SI: variants seen among roughly 807,000 people sequenced by gnomAD.
SI encodes sucrase-isomaltase.
In SI, 235 loss-of-function variants were observed where a neutral mutation model predicts 253.3. The ratio of observed to expected loss-of-function variants is 0.93; its 90% CI spans 0.83 to 1.03. The LOEUF (loss-of-function observed/expected upper bound fraction) is 1.03, where lower values mean the gene tolerates loss of function less well. Ranked by LOEUF, SI falls within the 50% of genes least tolerant of loss-of-function variation. SI has a pLI of 0.00. For synonymous variants in SI, 819 were observed against 712.0 expected (o/e 1.15, Z -2.39); for missense variants, 2,442 against 2,211.1 (o/e 1.10, Z -2.09).
chr3:165,009,253 A>G, intron 35 of SI, 26 bp downstream of exon 35: 1 of 1,431,444 alleles, frequency 7.0e-7, no homozygotes, highest in South Asian at 1.1e-5. Flanking sequence ...ATAACTTAAA[A>G]CATAGATTGT....
At position 165,001,791 on chromosome 3, in the gene SI, T is replaced by C. The variant is rs1265597824; in HGVS notation, c.4407-3118A>G. On this transcript the variant is annotated intron_variant, in intron 37 of 47. Transcript: ENST00000264382. ...GAGGTATACTGTGTTTGTTTTTTCA[T>C]AGACTAGTTTTTGTTTATTAAAAAA... is the stretch of plus-strand genomic sequence containing the variant. 2.0e-5 allele frequency among the ~76,000 whole-genome samples: 3 copies of C among 151,420 alleles called. No individual in the cohort carries two copies. In the East Asian group the frequency reaches 5.8e-4, roughly 29 times the overall value.
Position 165,023,776 on chromosome 3 carries a change from C to A in SI, c.2893G>T (p.Gly965Cys), listed in dbSNP as rs777850451. ...CTQRGCVWRT[G>C]SSLSKAPECY... The stretch of plus-strand genomic sequence containing the variant: ...TCAGGTGCTTTGGATAGAGAAGAAC[C>A]CTAAAAACACAATGCATGTTCATTG... Residue 965 changes from glycine to cysteine, a missense_variant and splice_region_variant, in exon 26 of 48, where the codon GGT (glycine) becomes TGT (cysteine). Coordinates refer to ENST00000264382, the MANE Select transcript of SI (RefSeq NM_001041.4). 1.9e-6 allele frequency: 3 copies of A among 1,605,666 alleles called. No homozygotes were observed. Among genetic ancestry groups the A allele is most frequent in the Non-Finnish European group, 1.7e-6 (2 of 1,173,722 alleles).
rs1009947202 is a variant in SI at position 165,042,975 on chromosome 3, A to G, written c.2004+84T>C. On this transcript the variant is annotated intron_variant, in intron 17 of 47. Coordinates refer to ENST00000264382, the MANE Select transcript of SI (RefSeq NM_001041.4). ...ATTATGCTACAATCTTTCAGACCATATACTCTATAGATTTAATTTAAGTAC... is the reference window on the plus strand; with the variant it reads ...ATTATGCTACAATCTTTCAGACCATGTACTCTATAGATTTAATTTAAGTAC... The G allele has an allele frequency of 2.9e-5, 25 of 848,428 alleles. No individual in the cohort carries two copies. The Admixed American group carries it at 3.3e-4, about 11-fold the overall frequency. 52.6% of individuals were successfully genotyped at this position (848,428 alleles called of 1,614,324 possible).
chr3:165,015,684 C>T (rs548911122), intron 32 of SI, among the ~76,000 whole-genome samples: 22 of 152,038 alleles, frequency 1.4e-4, no homozygotes, highest in African/African-American at 5.1e-4. Flanking sequence ...TAAATAGAGG[C>T]CAATTTGTAG....
chr3:165,079,452 T>A (rs545853167), upstream of SI, among the ~76,000 whole-genome samples: 3 of 151,344 alleles, frequency 2.0e-5, no homozygotes, highest in African/African-American at 7.3e-5. Flanking sequence ...TAAATATGAG[T>A]CTAAAAAGAA....
intron 5 of SI, 51 bp from the exon 6 acceptor site, chr3:165,067,542 A>G (rs762956017): frequency 6.8e-7 from 1 of 1,466,050 alleles, no homozygotes; most frequent in South Asian, 1.1e-5. Context: ...CTATTATTTA[A>G]TATTCCAGTT....
intron 1 of SI, among the ~76,000 whole-genome samples, chr3:165,077,262 T>G (rs1338635632): frequency 6.6e-6 from 1 of 151,604 alleles, no homozygotes; most frequent in Admixed American, 6.6e-5. Flanking sequence ...AATTCTAAAT[T>G]TTGCTGAATT....
chr3:165,058,123 T>C (rs2108246596), intron 12 of SI, among the ~76,000 whole-genome samples: 1 of 151,846 alleles, frequency 6.6e-6, no homozygotes, highest in African/African-American at 2.4e-5. Flanking sequence ...CAGAAATAAA[T>C]AACAAGAATA....
rs1477826061 is a variant in SI, at chr3:165,036,446, A to G, written c.2458T>C (p.Leu820=). 9 of 1,611,314 alleles carry G rather than the reference A, an allele frequency of 5.6e-6. No homozygotes were observed. Among genetic ancestry groups the G allele is most frequent in the Non-Finnish European group, 6.8e-6 (8 of 1,178,282 alleles). ...RKNPLGLIVA[L]GENNTAKGDF... ...CCTTTGGCTGTGTTGTTTTCACCTAATGCGACTATAAGTCCTAGAGGATTC... is the reference window on the plus strand; with the variant it reads ...CCTTTGGCTGTGTTGTTTTCACCTAGTGCGACTATAAGTCCTAGAGGATTC... The change falls in exon 22 of 48, where the codon TTA becomes CTA. Residue 820 remains leucine, a synonymous_variant. Coordinates refer to ENST00000264382, the MANE Select transcript of SI (RefSeq NM_001041.4).
intron 8 of SI, 60 bp downstream of exon 8, chr3:165,063,382 G>C: frequency 2.6e-6 from 2 of 777,588 alleles, no homozygotes; most frequent in Non-Finnish European, 2.3e-6. Flanking sequence ...GAAATAAAGA[G>C]AGCAGTTAAA....
At chr3:164,986,044 G>A (rs997193278) in intron 45 of SI, among the ~76,000 whole-genome samples, 2 of 151,958 alleles carry the variant, frequency 1.3e-5, no homozygotes, top group African/African-American at 2.4e-5. Flanking sequence ...CCAAAAACAA[G>A]CAAACAAGCC....
upstream of SI, among the ~76,000 whole-genome samples, chr3:165,079,149 A>C (rs961500440): frequency 1.2e-4 from 18 of 151,596 alleles, no homozygotes; most frequent in Non-Finnish European, 2.4e-4. Flanking sequence ...AATTAATTAC[A>C]CTACTGGTTT....
In SI at chr3:165,040,983, C is replaced by T; in HGVS notation, c.2116G>A (p.Ala706Thr). ...GCTACTGTTTCTCCAAACACATGGG[C>T]TTTATAAAACAGAGTGTAGAGGAAG... ...LPFLYTLFYK[A>T]HVFGETVARP... The change falls in exon 18 of 48, where the codon GCC (alanine) becomes ACC (threonine). Residue 706 changes from alanine to threonine, a missense_variant. Coordinates refer to ENST00000264382, the MANE Select transcript of SI (RefSeq NM_001041.4). 6.2e-7 allele frequency: 1 copy of T among 1,612,216 alleles called. No individual in the cohort carries two copies. Among genetic ancestry groups the T allele is most frequent in the Non-Finnish European group, 8.5e-7 (1 of 1,178,650 alleles).
In SI at chr3:165,011,382, GTTGT is replaced by G. The variant is rs200040797; in HGVS notation, c.4062+1594_4062+1597del. On this transcript the variant is annotated intron_variant, in intron 34 of 47. Transcript: ENST00000264382. The stretch of plus-strand genomic sequence containing the variant: ...TGTTCCACTGGCTGTTCAAAAGTGG[GTTGT>G]TTAATTTCCACGTATTTTTGAATTG... Among the ~76,000 whole-genome samples the G allele has an allele frequency of 1.1e-3, 164 of 152,162 alleles. 3 individuals carry two copies. In the East Asian group the frequency reaches 0.031, roughly 29 times the overall value.
intron 47 of SI, among the ~76,000 whole-genome samples, chr3:164,980,462 T>C (rs952642222): frequency 1.1e-4 from 17 of 152,052 alleles, no homozygotes; most frequent in African/African-American, 3.9e-4. Context: ...AATAATCTCT[T>C]GCATAAATTA....
rs915787567 is a variant in SI, at chr3:164,979,173, T to C, written c.*189A>G. ...AATTTTGTTAAATATGCCTTAAAATTGAATCCAAGTCACATTACTATAATA... is the reference window on the plus strand; with the variant it reads ...AATTTTGTTAAATATGCCTTAAAATCGAATCCAAGTCACATTACTATAATA... On this transcript the variant is annotated 3_prime_UTR_variant, in exon 48 of 48. Coordinates refer to ENST00000264382, the MANE Select transcript of SI (RefSeq NM_001041.4). The C allele has an allele frequency of 8.9e-6, 5 of 558,860 alleles. No individual in the cohort carries two copies. In the Admixed American group the frequency reaches 1.2e-4, roughly 13 times the overall value. The allele number at this position is 558,860 out of a possible 1,614,324, so 34.6% of individuals were successfully genotyped here. A position where few individuals can be genotyped will look rare whatever the true frequency, so the allele number is the denominator to read the frequency against.
rs1718841639 is a variant in SI at position 165,013,026 on chromosome 3, G to A, written c.4016C>T (p.Pro1339Leu). 1 of 1,609,218 alleles carries A rather than the reference G, an allele frequency of 6.2e-7. No individual in the cohort carries two copies. Among genetic ancestry groups the A allele is most frequent in the Non-Finnish European group, 8.5e-7 (1 of 1,175,922 alleles). The change falls in exon 34 of 48, where the codon CCC becomes CTC. Residue 1339 changes from proline (P) to leucine (L), a missense_variant. Transcript: ENST00000264382. ...ICWAKVWPDL[P>L]NITIDKTLTE... ...TAGAGTTTTATCTATTGTTATGTTG[G>A]GCAAATCTGGCCAAACCTACAAGAG...
chr3:165,057,488 T>C (rs748004670), intron 12 of SI, among the ~76,000 whole-genome samples: 80 of 151,894 alleles, frequency 5.3e-4, no homozygotes, highest in Admixed American at 1.6e-3. Flanking sequence ...AGGAAAGATA[T>C]AGAACACCAA....
chr3:165,040,777 T>A (rs1010994505), intron 18 of SI, among the ~76,000 whole-genome samples, 163 bp downstream of exon 18: 1 of 152,100 alleles, frequency 6.6e-6, no homozygotes, highest in Non-Finnish European at 1.5e-5. Context: ...CAATTAATTA[T>A]ATTTACTGGC....
Sources: gnomAD v4.1 joint callset for allele counts (sites outside exome capture counted in the v4.1 genomes callset) on GRCh38, gnomAD v4.1.1 for gene constraint, MANE v1.5 for transcripts, NCBI Gene and HGNC (gene_info 2026-07-23, HGNC 2026-07-21) for gene names.